Variants in HMGN1 observed in about 807,000 individuals in gnomAD.
The protein encoded by HMGN1 is non-histone chromosomal protein HMG-14.
HMGN1 carries 9 observed loss-of-function variants against 18.4 expected under a neutral mutation model. That is an observed-to-expected ratio of 0.49 (90% confidence interval 0.29 to 0.85). The LOEUF is 0.85. HMGN1 is among the 40% of genes least tolerant of loss of function. The probability of loss-of-function intolerance (pLI) is 0.07; values close to 1 mark genes in which losing one functional copy is unlikely to be tolerated. For missense variants in HMGN1, 151 were observed against 119.2 expected (o/e 1.27, Z -1.24); for synonymous variants, 59 against 45.0 (o/e 1.31, Z -1.24).
chr21:39,345,200 G>C lies in HMGN1; in HGVS notation c.201C>G (p.Asn67Lys), dbSNP rs778772049. The change falls in exon 5 of 6, where the codon AAC becomes AAG. Residue 67 changes from asparagine (N) to lysine (K), a missense_variant. Coordinates refer to ENST00000380749, the MANE Select transcript of HMGN1 (RefSeq NM_004965.7). ...GAKGKQAEVA[N>K]QETKEDLPAE... ...CAGGTAAGTCTTCTTTAGTTTCTTG[G>C]TTAGCCACTTCGGCCTGTTTTCCCT... 6.2e-7 allele frequency: 1 copy of C among 1,613,084 alleles called. No homozygotes were observed.
intron 5 of HMGN1, 49 bp downstream of exon 5, chr21:39,345,097 G>A (rs1359158744): frequency 2.2e-6 from 2 of 918,882 alleles, no homozygotes; most frequent in Admixed American, 3.3e-5. Flanking sequence ...CTACTGTTCA[G>A]AGTCAAAGCA....
intron 5 of HMGN1, among the ~76,000 whole-genome samples, chr21:39,344,261 A>AAAG (rs2036965121): frequency 2.4e-5 from 1 of 42,136 alleles, no homozygotes; most frequent in Admixed American, 3.0e-4. Flanking sequence ...CGTCTCAAAA[A>AAAG]AAAAAAAAAA....
In HMGN1 at chr21:39,348,390, AAACG is replaced by A. The variant is rs749670555; in HGVS notation, c.78+28_78+31del. The A allele has an allele frequency of 3.1e-6, 5 of 1,614,044 alleles. No individual in the cohort carries two copies. The African/African-American group carries it at 5.3e-5, about 17-fold the overall frequency. ...GTCCTCACCCGGGACGACCCGCGGA[AAACG>A]AACGGTTACGGGGCTCGCTTTACTT... On this transcript the variant is annotated intron_variant, in intron 3 of 5. Coordinates refer to ENST00000380749, the MANE Select transcript of HMGN1 (RefSeq NM_004965.7).
Position 39,349,021 on chromosome 21 carries a change from T to C in HMGN1, c.-104A>G. 1 of 1,159,684 alleles carries C rather than the reference T, an allele frequency of 8.6e-7. No individual in the cohort carries two copies. Among genetic ancestry groups the C allele is most frequent in the Non-Finnish European group, 1.1e-6 (1 of 934,262 alleles). 71.8% of individuals were successfully genotyped at this position (1,159,684 alleles called of 1,614,324 possible). Reference sequence around the variant, plus strand: ...CAGCCTTCGCGAAACTGGGCTGCCTTGCCGCTGCCACTCCTCCCGCCGCCC... The same window carrying C: ...CAGCCTTCGCGAAACTGGGCTGCCTCGCCGCTGCCACTCCTCCCGCCGCCC... On this transcript the variant is annotated 5_prime_UTR_variant, in exon 1 of 6. Coordinates refer to ENST00000380749, the MANE Select transcript of HMGN1 (RefSeq NM_004965.7).
intron 5 of HMGN1, among the ~76,000 whole-genome samples, chr21:39,344,080 C>A (rs2036956380): frequency 1.3e-5 from 2 of 151,986 alleles, no homozygotes; most frequent in Admixed American, 6.6e-5. Flanking sequence ...CACGGCGAAA[C>A]CCCGTTTCTA....
chr21:39,348,690 C>A, intron 1 of HMGN1, 113 bp from the exon 2 acceptor site: 2 of 1,318,842 alleles, frequency 1.5e-6, no homozygotes, highest in Non-Finnish European at 2.0e-6. Context: ...CCCGCCGCCC[C>A]GTTCGAATAG....
At position 39,343,057 on chromosome 21, in the gene HMGN1, C is replaced by T; in HGVS notation, c.*55G>A. 7.5e-7 allele frequency: 1 copy of T among 1,326,178 alleles called. No homozygotes were observed. Among genetic ancestry groups the T allele is most frequent in the South Asian group, 1.2e-5 (1 of 82,636 alleles). 82.2% of individuals were successfully genotyped at this position (1,326,178 alleles called of 1,614,324 possible). A position where few individuals can be genotyped will look rare whatever the true frequency, so the allele number is the denominator to read the frequency against. On this transcript the variant is annotated 3_prime_UTR_variant, in exon 6 of 6. Coordinates refer to ENST00000380749, the MANE Select transcript of HMGN1 (RefSeq NM_004965.7). ...CAAAATAGTTGATAAAAATATTCCTCTGGATTGTACAAGAAGGGAGACAGG... is the reference window on the plus strand; with the variant it reads ...CAAAATAGTTGATAAAAATATTCCTTTGGATTGTACAAGAAGGGAGACAGG...
rs1366422756 is a variant in HMGN1, at chr21:39,342,374, CA to C, written c.*737del. On this transcript the variant is annotated 3_prime_UTR_variant, in exon 6 of 6. Transcript: ENST00000380749. ...CAGTACAGACATTTCAATTTGTACA[CA>C]AATCTTAACATACGTAACGAAATTC... 1 of 179,292 alleles carries C rather than the reference CA, an allele frequency of 5.6e-6. No individual in the cohort carries two copies. The highest frequency in any genetic ancestry group is 2.4e-5 in the African/African-American group (1 of 41,534). The allele number at this position is 179,292 out of a possible 1,614,324, so 11.1% of individuals were successfully genotyped here.
rs762647544 is a variant in HMGN1, at chr21:39,348,553, T to G, written c.40A>C (p.Lys14Gln). 1.3e-6 allele frequency: 2 copies of G among 1,579,632 alleles called. No homozygotes were observed. Among genetic ancestry groups the G allele is most frequent in the African/African-American group, 2.7e-5 (2 of 73,398 alleles). Residue 14 changes from lysine (K) to glutamine (Q), a missense_variant, in exon 2 of 6, where the codon AAG becomes CAG. Lys to Gln is a moderately conservative substitution (Grantham distance 53, BLOSUM62 1). Transcript: ENST00000380749. ...AGAAGGCCCGCACTCACCTCTTCCTTGGCGGCGCCTTCGGCGGAGCTGACC... is the reference window on the plus strand; with the variant it reads ...AGAAGGCCCGCACTCACCTCTTCCTGGGCGGCGCCTTCGGCGGAGCTGACC... ...RKVSSAEGAA[K>Q]EEPKRRSARL...
chr21:39,343,220 C>CA, intron 5 of HMGN1, 61 bp from the exon 6 acceptor site: 1 of 1,446,902 alleles, frequency 6.9e-7, no homozygotes, highest in South Asian at 1.2e-5. Context: ...TATTTATATG[C>CA]AACTATCAGG....
At chr21:39,345,887 T>C (rs1451356650) in intron 4 of HMGN1, 1 of 1,302,676 alleles carries the variant, frequency 7.7e-7, no homozygotes, top group Non-Finnish European at 1.0e-6. Flanking sequence ...AGTTAATCCC[T>C]TCATATCATA....
At chr21:39,347,932 G>A (rs1000868318) in intron 4 of HMGN1, 31 of 1,052,132 alleles carry the variant, frequency 2.9e-5, no homozygotes, top group Non-Finnish European at 3.4e-5. Flanking sequence ...CCTTTCTCCT[G>A]GCCTCGGTGC....
At chr21:39,343,247 T>A in intron 5 of HMGN1, 88 bp from the exon 6 acceptor site, 2 of 1,298,968 alleles carry the variant, frequency 1.5e-6, no homozygotes, top group Non-Finnish European at 2.2e-6. Context: ...AAAAAGTCAA[T>A]AACCTTTGTT....
chr21:39,349,058 A>G lies in HMGN1; in HGVS notation c.-141T>C, dbSNP rs2037177918. 1 of 964,774 alleles carries G rather than the reference A, an allele frequency of 1.0e-6. No individual in the cohort carries two copies. The highest frequency in any genetic ancestry group is 1.3e-6 in the Non-Finnish European group (1 of 762,246). The allele number at this position is 964,774 out of a possible 1,614,324, so 59.8% of individuals were successfully genotyped here. ...TCCTCCCGCCGCCCGAGCTGCTGAG[A>G]CCCACAGCGGGGGCGGTGGGAGAAC... On this transcript the variant is annotated 5_prime_UTR_variant, in exon 1 of 6. Transcript: ENST00000380749.
At chr21:39,345,423 G>C (rs996168886) in intron 4 of HMGN1, 149 bp from the exon 5 acceptor site, 1 of 692,604 alleles carries the variant, frequency 1.4e-6, no homozygotes, top group African/African-American at 1.8e-5. Context: ...TCACACATGA[G>C]CGTGAAACCC....
At chr21:39,345,969 C>T in intron 4 of HMGN1, 1 of 1,298,560 alleles carries the variant, frequency 7.7e-7, no homozygotes, top group Non-Finnish European at 1.0e-6. Context: ...CTGAAAAGCA[C>T]AGGTATTAAT....
At chr21:39,348,629 C>T (rs756049063) in intron 1 of HMGN1, 52 bp from the exon 2 acceptor site, 38 of 1,413,254 alleles carry the variant, frequency 2.7e-5, no homozygotes, top group Non-Finnish European at 3.4e-5. Context: ...CCAGGACTCG[C>T]GGGCCCGCCC....
At chr21:39,348,517 C>A in intron 2 of HMGN1, 28 bp downstream of exon 2, 3 of 1,613,610 alleles carry the variant, frequency 1.9e-6, no homozygotes, top group Non-Finnish European at 2.5e-6. Context: ...GGGAAACCCA[C>A]CACCCCCCGC....
rs1207436653 is a variant in HMGN1 at position 39,342,929 on chromosome 21, A to T, written c.*183T>A. The T allele has an allele frequency of 5.6e-6, 7 of 1,248,360 alleles. No homozygotes were observed. The highest frequency in any genetic ancestry group is 7.8e-6 in the Non-Finnish European group (7 of 891,734). 77.3% of individuals were successfully genotyped at this position (1,248,360 alleles called of 1,614,324 possible). On this transcript the variant is annotated 3_prime_UTR_variant, in exon 6 of 6. Coordinates refer to ENST00000380749, the MANE Select transcript of HMGN1 (RefSeq NM_004965.7). ...CCAAAAAATAAACAACCAGCAAATG[A>T]TTTCACCTCTTAAAAAAAAGCATTT... is the stretch of plus-strand genomic sequence containing the variant.
Sources: gnomAD v4.1 joint callset for allele counts (sites outside exome capture counted in the v4.1 genomes callset) on GRCh38, gnomAD v4.1.1 for gene constraint, MANE v1.5 for transcripts, NCBI Gene and HGNC (gene_info 2026-07-23, HGNC 2026-07-21) for gene names.